The following SIK3 variants were observed in gnomAD, a reference collection of about 807,000 sequenced individuals.
SIK3 encodes the protein SIK family kinase 3.
SIK3 carries 28 observed loss-of-function variants against 144.2 expected under a neutral mutation model. That is an observed-to-expected ratio of 0.19 (90% CI 0.14 to 0.27). SIK3 has a LOEUF of 0.27. SIK3 is among the 10% of genes least tolerant of loss of function. SIK3 has a pLI of 1.00. For synonymous variants in SIK3, 686 were observed against 676.3 expected, an observed-to-expected ratio of 1.01 and a Z score of -0.22; for missense variants, 1,319 against 1,776.0, an observed-to-expected ratio of 0.74 and a Z score of 4.62.
chr11:116,873,869 C>CTAGA (rs772533951), intron 12 of SIK3, 34 bp downstream of exon 12: 4 of 1,585,832 alleles, frequency 2.5e-6, no homozygotes, highest in Non-Finnish European at 3.4e-6. Flanking sequence ...AAGTTTGTTT[C>CTAGA]TTCTGGAGCC....
At chr11:116,941,818 A>G (rs1358765889) in intron 3 of SIK3, among the ~76,000 whole-genome samples, 2 of 152,228 alleles carry the variant, frequency 1.3e-5, no homozygotes, top group Non-Finnish European at 2.9e-5. Flanking sequence ...CATGGTCTCA[A>G]ATAGGAAGTT....
At chr11:116,996,087 C>T (rs1054961678) in intron 1 of SIK3, among the ~76,000 whole-genome samples, 2 of 152,162 alleles carry the variant, frequency 1.3e-5, no homozygotes, top group African/African-American at 2.4e-5. Flanking sequence ...GCAGGCAGAT[C>T]ATTTTAGGCC....
At chr11:116,861,954 A>G in intron 17 of SIK3, 28 bp from the exon 18 acceptor site, 1 of 1,511,350 alleles carries the variant, frequency 6.6e-7, no homozygotes, top group Non-Finnish European at 9.1e-7. Context: ...AAAGGAAAAA[A>G]ATTATTGTGA....
intron 1 of SIK3, among the ~76,000 whole-genome samples, chr11:117,038,775 C>T (rs1409830422): frequency 1.3e-5 from 2 of 152,142 alleles, no homozygotes; most frequent in African/African-American, 2.4e-5. Flanking sequence ...TGCGGCCAGG[C>T]GCAGTGGCTC....
At chr11:117,056,430 T>G (rs1269743800) in intron 1 of SIK3, among the ~76,000 whole-genome samples, 1 of 151,984 alleles carries the variant, frequency 6.6e-6, no homozygotes, top group African/African-American at 2.4e-5. Context: ...ATGTAAATGA[T>G]GAGTTAATGA....
Position 117,020,246 on chromosome 11 carries a change from T to TATATATATACACAC in SIK3, c.274-63183_274-63182insGTGTGTATATATAT. 5.5e-5 allele frequency among the ~76,000 whole-genome samples: 7 copies of TATATATATACACAC among 127,234 alleles called. 1 individual carries two copies. The highest frequency in any genetic ancestry group is 5.1e-4 in the South Asian group (2 of 3,906). 83.5% of individuals were successfully genotyped at this position (127,234 alleles called of 152,430 possible). A position where few individuals can be genotyped will look rare whatever the true frequency, so the allele number is the denominator to read the frequency against. On this transcript the variant is annotated intron_variant, in intron 1 of 24. Coordinates refer to ENST00000445177, the MANE Select transcript of SIK3 (RefSeq NM_001366686.3). The stretch of plus-strand genomic sequence containing the variant: ...GTATGTGTATATGTGCATATATATA[T>TATATATATACACAC]ACACATACATATATCTCCATGGTTC...
At chr11:116,973,519 C>T (rs1171257156) in intron 1 of SIK3, among the ~76,000 whole-genome samples, 1 of 152,146 alleles carries the variant, frequency 6.6e-6, no homozygotes, top group African/African-American at 2.4e-5. Flanking sequence ...GTTTACCAAA[C>T]AAAGTTACTT....
At chr11:116,847,716 G>A (rs2134276939) in intron 22 of SIK3, 108 bp from the exon 23 acceptor site, 1 of 1,451,528 alleles carries the variant, frequency 6.9e-7, no homozygotes, top group East Asian at 2.3e-5. Flanking sequence ...GACAGCCCGG[G>A]GCCCCACTCC....
At chr11:116,862,594 C>T (rs6589575) in intron 16 of SIK3, among the ~76,000 whole-genome samples, 130,067 of 152,218 alleles carry the variant, frequency 0.85, 56,290 homozygotes, top group African/African-American at 0.92. Context: ...ACAAAGCACA[C>T]GCCATTGGAA....
chr11:117,095,482 T>G (rs1955435844), intron 1 of SIK3, among the ~76,000 whole-genome samples: 1 of 152,008 alleles, frequency 6.6e-6, no homozygotes, highest in African/African-American at 2.4e-5. Flanking sequence ...AAGGCTGCAG[T>G]GCATGGGGAG....
At chr11:116,996,350 A>G (rs1950665264) in intron 1 of SIK3, among the ~76,000 whole-genome samples, 1 of 152,178 alleles carries the variant, frequency 6.6e-6, no homozygotes, top group Admixed American at 6.5e-5. Context: ...TCAATAAACA[A>G]TAAATAATAA....
chr11:116,989,071 G>C (rs1196535323), intron 1 of SIK3, among the ~76,000 whole-genome samples: 1 of 151,974 alleles, frequency 6.6e-6, no homozygotes, highest in Admixed American at 6.6e-5. Flanking sequence ...GGTAATAATG[G>C]CAAGAGAACA....
chr11:117,061,346 C>A (rs1454038059), intron 1 of SIK3, among the ~76,000 whole-genome samples: 1 of 152,022 alleles, frequency 6.6e-6, no homozygotes, highest in African/African-American at 2.4e-5. Context: ...TGTGTGTGAG[C>A]GAACACGCAT....
intron 1 of SIK3, among the ~76,000 whole-genome samples, chr11:117,043,613 C>T (rs1325016367): frequency 6.6e-6 from 1 of 152,150 alleles, no homozygotes; most frequent in African/African-American, 2.4e-5. Context: ...CTCAACATTG[C>T]GTGACTATAA....
intron 1 of SIK3, among the ~76,000 whole-genome samples, chr11:117,079,694 GTAAA>G (rs1230116925): frequency 6.6e-6 from 1 of 150,642 alleles, no homozygotes; most frequent in Non-Finnish European, 1.5e-5. Context: ...AAAAAAATGG[GTAAA>G]TATTTTTATA....
chr11:116,874,956 GTTA>G (rs1402764150), intron 11 of SIK3, among the ~76,000 whole-genome samples, 199 bp downstream of exon 11: 3 of 152,190 alleles, frequency 2.0e-5, no homozygotes, highest in African/African-American at 7.2e-5. Context: ...GGAAACTGTT[GTTA>G]TTGGATTTTG....
intron 1 of SIK3, among the ~76,000 whole-genome samples, chr11:117,023,074 G>A (rs74691084): frequency 0.073 from 11,141 of 152,202 alleles, 580 homozygotes; most frequent in Admixed American, 0.13. Context: ...TGACAACTAA[G>A]ATAACTAGTG....
intron 18 of SIK3, among the ~76,000 whole-genome samples, chr11:116,861,623 TAGATATC>T (rs1443368355): frequency 6.6e-6 from 1 of 152,160 alleles, no homozygotes; most frequent in African/African-American, 2.4e-5. Context: ...GCTCCTGTAT[TAGATATC>T]AGATTACTTT....
At chr11:117,034,766 C>T (rs1952420420) in intron 1 of SIK3, among the ~76,000 whole-genome samples, 1 of 152,134 alleles carries the variant, frequency 6.6e-6, no homozygotes, top group African/African-American at 2.4e-5. Context: ...CAGTAAGTTC[C>T]AGAATCTCCT....
Sources: gnomAD v4.1 joint callset for allele counts (sites outside exome capture counted in the v4.1 genomes callset) on GRCh38, gnomAD v4.1.1 for gene constraint, MANE v1.5 for transcripts, NCBI Gene and HGNC (gene_info 2026-07-23, HGNC 2026-07-21) for gene names.